The following VRK2 variants were observed in gnomAD, a reference collection of about 807,000 sequenced individuals.
The protein encoded by VRK2 is VRK serine/threonine kinase 2.
In VRK2, 60 loss-of-function variants were observed where a neutral mutation model predicts 57.6. The ratio of observed to expected loss-of-function variants is 1.04; its 90% CI spans 0.85 to 1.29. VRK2 has a LOEUF of 1.29. Ranked by LOEUF, VRK2 falls within the 50% of genes most tolerant of loss-of-function variation. The probability of loss-of-function intolerance (pLI) is 0.00; values close to 1 mark genes in which losing one functional copy is unlikely to be tolerated. For synonymous variants in VRK2, 231 were observed against 199.2 expected (o/e 1.16, Z -1.35); for missense variants, 705 against 588.1 (o/e 1.20, Z -2.06).
chr2:58,149,991 CTTTTCT>C (rs1429111571), intron 12 of VRK2, among the ~76,000 whole-genome samples: 1 of 102,580 alleles, frequency 9.7e-6, no homozygotes, highest in African/African-American at 3.8e-5. Context: ...TTTTCTTTTT[CTTTTCT>C]TTTTTTTTTT....
chr2:58,084,783 A>G, intron 3 of VRK2, 98 bp from the exon 4 acceptor site: 1 of 793,938 alleles, frequency 1.3e-6, no homozygotes. Flanking sequence ...GTACTATTAT[A>G]TACTACATAT....
chr2:58,147,838 ATGTATTAGTAATT>A (rs1682398277), intron 12 of VRK2, among the ~76,000 whole-genome samples: 1 of 142,266 alleles, frequency 7.0e-6, no homozygotes, highest in Admixed American at 7.1e-5. Flanking sequence ...ATGTTCATGC[ATGTATTAGTAATT>A]TGTTTTTTCC....
At chr2:57,944,169 G>A (rs947445653) in intron 1 of VRK2, among the ~76,000 whole-genome samples, 12 of 152,184 alleles carry the variant, frequency 7.9e-5, no homozygotes, top group African/African-American at 1.9e-4. Context: ...ACATCTTCCT[G>A]CTTCATGACA....
intron 1 of VRK2, among the ~76,000 whole-genome samples, chr2:57,950,580 T>C (rs531974060): frequency 6.8e-4 from 104 of 152,286 alleles, no homozygotes; most frequent in Non-Finnish European, 1.2e-3. Context: ...AAGAACTCAA[T>C]GGAGATGTAT....
chr2:57,943,385 A>C (rs1024221918), intron 1 of VRK2, among the ~76,000 whole-genome samples: 1 of 152,250 alleles, frequency 6.6e-6, no homozygotes, highest in African/African-American at 2.4e-5. Context: ...GTTTATGGTC[A>C]GGAGTAAATT....
At chr2:57,927,936 ATTTG>A (rs1322404306) in intron 1 of VRK2, among the ~76,000 whole-genome samples, 1 of 151,820 alleles carries the variant, frequency 6.6e-6, no homozygotes, top group Non-Finnish European at 1.5e-5. Context: ...TTCCTATGTT[ATTTG>A]TTTATTTTCT....
Position 57,980,976 on chromosome 2 carries a change from C to T in VRK2, c.-438-44689C>T, listed in dbSNP as rs1229946334. ...GACAGTATACAGTTGGGTCTTGCTT[C>T]TTTATCCAACTTGCCACTGTGTCTT... On this transcript the variant is annotated intron_variant, in intron 1 of 15. Transcript: ENST00000417641. Among the ~76,000 whole-genome samples, 5 of 152,272 alleles carry T rather than the reference C, an allele frequency of 3.3e-5. No individual in the cohort carries two copies. In the South Asian group the frequency reaches 6.2e-4, roughly 19 times the overall value.
intron 8 of VRK2, among the ~76,000 whole-genome samples, chr2:58,128,181 C>T (rs1678645978): frequency 6.6e-6 from 1 of 152,170 alleles, no homozygotes; most frequent in Admixed American, 6.5e-5. Flanking sequence ...AGATCTTCCA[C>T]TCATTTATTC....
At chr2:58,159,134 C>G (rs1183772790) in intron 12 of VRK2, 3 of 404,850 alleles carry the variant, frequency 7.4e-6, no homozygotes, top group African/African-American at 6.2e-5. Flanking sequence ...AAGAACCACT[C>G]AAATTATATC....
At chr2:57,947,058 A>G (rs7564875) in intron 1 of VRK2, among the ~76,000 whole-genome samples, 3,652 of 152,266 alleles carry the variant, frequency 0.024, 147 homozygotes, top group African/African-American at 0.084. Context: ...TCCCATAGTA[A>G]AGCATCTCAG....
intron 3 of VRK2, among the ~76,000 whole-genome samples, chr2:58,035,902 A>T (rs561276124): frequency 6.6e-6 from 1 of 152,184 alleles, no homozygotes; most frequent in Admixed American, 6.5e-5. Context: ...ACTGTCCTCA[A>T]AATAGAGTTG....
At chr2:58,084,752 G>T (rs1346277242) in intron 3 of VRK2, 129 bp from the exon 4 acceptor site, 1 of 564,250 alleles carries the variant, frequency 1.8e-6, no homozygotes, top group Non-Finnish European at 3.0e-6. Context: ...TGGTGCCTAT[G>T]TTTTATAAAA....
At chr2:57,915,793 C>T (rs1171697086) in intron 1 of VRK2, among the ~76,000 whole-genome samples, 1 of 152,176 alleles carries the variant, frequency 6.6e-6, no homozygotes, top group Non-Finnish European at 1.5e-5. Context: ...GGAAACACAG[C>T]AAGAAGTGAG....
intron 1 of VRK2, among the ~76,000 whole-genome samples, chr2:57,969,151 G>A (rs924600745): frequency 1.3e-5 from 2 of 151,952 alleles, no homozygotes; most frequent in Non-Finnish European, 2.9e-5. Context: ...GAAAACATAA[G>A]AGACAAAAAT....
chr2:57,990,920 A>G (rs1023507340), intron 1 of VRK2, among the ~76,000 whole-genome samples: 1 of 151,998 alleles, frequency 6.6e-6, no homozygotes, highest in African/African-American at 2.4e-5. Context: ...TAGAGAACAC[A>G]AACCATATGT....
chr2:57,946,614 A>T (rs577332699), intron 1 of VRK2, among the ~76,000 whole-genome samples: 1 of 152,182 alleles, frequency 6.6e-6, no homozygotes, highest in Non-Finnish European at 1.5e-5. Flanking sequence ...TTATCAATCA[A>T]TTGGTATTTC....
intron 1 of VRK2, among the ~76,000 whole-genome samples, chr2:57,954,428 C>T (rs1336701104): frequency 1.3e-5 from 2 of 152,120 alleles, no homozygotes; most frequent in African/African-American, 2.4e-5. Flanking sequence ...CAAAACCATT[C>T]AGTTAGCACC....
intron 1 of VRK2, among the ~76,000 whole-genome samples, chr2:57,961,684 A>T (rs1671767112): frequency 7.3e-6 from 1 of 136,802 alleles, no homozygotes; most frequent in Admixed American, 8.3e-5. Context: ...AATTTAACTG[A>T]CTTATTAACT....
At chr2:57,989,651 C>T (rs777803207) in intron 1 of VRK2, among the ~76,000 whole-genome samples, 1 of 152,100 alleles carries the variant, frequency 6.6e-6, no homozygotes, top group Non-Finnish European at 1.5e-5. Context: ...ACAACTAGGA[C>T]CTCTTTGTAA....
Sources: allele counts gnomAD v4.1 joint callset (sites outside exome capture counted in the v4.1 genomes callset), GRCh38; gene constraint gnomAD v4.1.1; transcripts MANE v1.5; gene names NCBI Gene and HGNC (gene_info 2026-07-23, HGNC 2026-07-21).